Variants in CUL3 observed in about 807,000 individuals in gnomAD.
The protein encoded by CUL3 is cullin 3.
CUL3 carries 19 observed loss-of-function variants against 89.1 expected under a neutral mutation model. The ratio of observed to expected loss-of-function variants is 0.21; its 90% CI spans 0.15 to 0.31. The LOEUF (loss-of-function observed/expected upper bound fraction) is 0.31, where lower values mean the gene tolerates loss of function less well. CUL3 is among the 10% of genes least tolerant of loss of function. CUL3 has a pLI of 1.00. For missense variants in CUL3, 469 were observed against 942.3 expected (o/e 0.50, Z 6.58); for synonymous variants, 351 against 308.4 (o/e 1.14, Z -1.45).
chr2:224,510,007 T>C (rs1053868254), intron 6 of CUL3, among the ~76,000 whole-genome samples: 19 of 152,164 alleles, frequency 1.2e-4, no homozygotes, highest in African/African-American at 4.6e-4. Context: ...TGCTATTTAG[T>C]GACACATAAA....
intron 13 of CUL3, among the ~76,000 whole-genome samples, chr2:224,494,759 C>T (rs919944528): frequency 2.0e-5 from 3 of 152,006 alleles, no homozygotes; most frequent in African/African-American, 4.8e-5. Flanking sequence ...TAAAATTCAT[C>T]GTAGACATAC....
intron 13 of CUL3, among the ~76,000 whole-genome samples, chr2:224,483,929 C>T (rs1482396880): frequency 6.6e-6 from 1 of 152,150 alleles, no homozygotes; most frequent in African/African-American, 2.4e-5. Context: ...GTTGCTCACG[C>T]CTGTAATCCC....
At chr2:224,484,039 A>G (rs979732323) in intron 13 of CUL3, among the ~76,000 whole-genome samples, 2 of 152,076 alleles carry the variant, frequency 1.3e-5, no homozygotes, top group Non-Finnish European at 2.9e-5. Flanking sequence ...AACATTTAAA[A>G]AATAGCCTGT....
chr2:224,502,433 G>A (rs1437904470), intron 10 of CUL3, among the ~76,000 whole-genome samples: 1 of 152,096 alleles, frequency 6.6e-6, no homozygotes, highest in Non-Finnish European at 1.5e-5. Context: ...ACCACCTTTG[G>A]GGAGTTATAC....
intron 12 of CUL3, among the ~76,000 whole-genome samples, chr2:224,496,267 G>A (rs1162443199): frequency 6.6e-6 from 1 of 152,162 alleles, no homozygotes; most frequent in African/African-American, 2.4e-5. Flanking sequence ...ATGGGCTCCA[G>A]TGATTTGCCC....
At chr2:224,528,411 G>T (rs936314520) in intron 3 of CUL3, among the ~76,000 whole-genome samples, 2 of 152,074 alleles carry the variant, frequency 1.3e-5, no homozygotes, top group Non-Finnish European at 2.9e-5. Flanking sequence ...CAGGCCCAGG[G>T]GAACAGCCCA....
rs191815667 is a variant in CUL3, at chr2:224,534,656, T to G, written c.378+872A>C. Among the ~76,000 whole-genome samples the G allele has an allele frequency of 2.5e-3, 388 of 152,222 alleles. 1 individual carries two copies. The highest frequency in any genetic ancestry group is 8.9e-3 in the African/African-American group (371 of 41,520). ...AAATCATTCCCTTTCAGTTTCTCAT[T>G]CTAAGCATTCACTAAGTATGTGAAC... On this transcript the variant is annotated intron_variant, in intron 3 of 15. Coordinates refer to ENST00000264414, the MANE Select transcript of CUL3 (RefSeq NM_003590.5).
intron 4 of CUL3, 52 bp downstream of exon 4, chr2:224,514,560 C>T: frequency 1.4e-6 from 2 of 1,440,482 alleles, no homozygotes; most frequent in East Asian, 2.3e-5. Context: ...GAATCGTTCT[C>T]AAGATATAAT....
In CUL3 at chr2:224,514,596, AAG is replaced by A. The variant is rs552971782; in HGVS notation, c.539+14_539+15del. 1.3e-6 allele frequency: 2 copies of A among 1,598,160 alleles called. No homozygotes were observed. Among genetic ancestry groups the A allele is most frequent in the Non-Finnish European group, 1.7e-6 (2 of 1,170,664 alleles). ...CACTAAAACCAAAACCACAAGAGTA[AAG>A]AGAGAAATTTTACCTGTCTACGACT... On this transcript the variant is annotated intron_variant, in intron 4 of 15. Coordinates refer to ENST00000264414, the MANE Select transcript of CUL3 (RefSeq NM_003590.5).
chr2:224,540,673 T>G (rs1694070005), intron 2 of CUL3, among the ~76,000 whole-genome samples: 1 of 152,204 alleles, frequency 6.6e-6, no homozygotes, highest in Non-Finnish European at 1.5e-5. Context: ...TTCTGAGTCC[T>G]GCTTTTTTCT....
At chr2:224,474,490 C>A in intron 15 of CUL3, 114 bp from the exon 16 acceptor site, 2 of 826,276 alleles carry the variant, frequency 2.4e-6, no homozygotes, top group East Asian at 2.7e-5. Context: ...ACTGGATTAC[C>A]AAAGATAAAA....
chr2:224,505,137 A>G (rs1268729780), intron 8 of CUL3, among the ~76,000 whole-genome samples: 2 of 136,386 alleles, frequency 1.5e-5, no homozygotes, highest in Non-Finnish European at 3.2e-5. Flanking sequence ...GTAGTTGTTC[A>G]GTTTTTTTTT....
intron 12 of CUL3, among the ~76,000 whole-genome samples, chr2:224,496,463 T>C (rs1384176998): frequency 6.6e-6 from 1 of 152,154 alleles, no homozygotes; most frequent in Non-Finnish European, 1.5e-5. Context: ...ACACAAACAG[T>C]ATTTAGGACT....
At chr2:224,584,588 C>T (rs760665829) in intron 1 of CUL3, among the ~76,000 whole-genome samples, 3 of 151,994 alleles carry the variant, frequency 2.0e-5, no homozygotes, top group Non-Finnish European at 2.9e-5. Flanking sequence ...AGGGAGGACT[C>T]CGCGGCTGCT....
chr2:224,500,674 G>A (rs1692352936), intron 10 of CUL3, among the ~76,000 whole-genome samples, 187 bp from the exon 11 acceptor site: 1 of 146,788 alleles, frequency 6.8e-6, no homozygotes, highest in African/African-American at 2.6e-5. Flanking sequence ...TGCCCAGGCC[G>A]GAATGCAATG....
chr2:224,530,054 C>G (rs1423859854), intron 3 of CUL3, among the ~76,000 whole-genome samples: 1 of 151,996 alleles, frequency 6.6e-6, no homozygotes, highest in Non-Finnish European at 1.5e-5. Flanking sequence ...ATGGCTAACA[C>G]AGTGAAACCC....
chr2:224,506,075 C>A lies in CUL3; in HGVS notation c.1087G>T (p.Asp363Tyr). The A allele has an allele frequency of 6.2e-7, 1 of 1,612,584 alleles. No homozygotes were observed. The highest frequency in any genetic ancestry group is 1.1e-5 in the South Asian group (1 of 90,782). ...GCAATAGTTTGTTTAAAGAGACGGT[C>A]ATTGTTGAATGATTCCAGGAGGAAG... ...DRFLLESFNN[D>Y]RLFKQTIAGD... Residue 363 changes from aspartate (D) to tyrosine (Y), a missense_variant, in exon 8 of 16, where the codon GAC (aspartate) becomes TAC (tyrosine). Physicochemically the swap from Asp to Tyr is radical, Grantham distance 160. Around this residue, in one of 4 missense-constraint regions of CUL3, gnomAD observed 370 missense variants for 733.2 expected, o/e 0.50. Transcript: ENST00000264414.
chr2:224,476,290 T>C (rs1181289778), intron 15 of CUL3, among the ~76,000 whole-genome samples: 1 of 152,106 alleles, frequency 6.6e-6, no homozygotes, highest in Non-Finnish European at 1.5e-5. Flanking sequence ...GTGCTGGGAT[T>C]ACAGGCGTGA....
chr2:224,495,833 T>C lies in CUL3; in HGVS notation c.1841A>G (p.Glu614Gly). 1 of 1,608,444 alleles carries C rather than the reference T, an allele frequency of 6.2e-7. No individual in the cohort carries two copies. Reference protein sequence around the residue: ...LFNNREKYTFEEIQQETDIPE... With the variant: ...LFNNREKYTFGEIQQETDIPE... The stretch of plus-strand genomic sequence containing the variant: ...AATGTATATAACCACAATCCATACC[T>C]CAAATGTGTATTTTTCTCTATTATT... Residue 614 changes from glutamate to glycine, a missense_variant and splice_region_variant, in exon 13 of 16, where the codon GAG becomes GGG. Glu to Gly is a moderately conservative substitution (Grantham distance 98). This residue lies in a region of CUL3 where 370 missense variants were observed against 733.2 expected (regional missense o/e 0.50). Coordinates refer to ENST00000264414, the MANE Select transcript of CUL3 (RefSeq NM_003590.5).
Sources: gnomAD v4.1 joint callset for allele counts (sites outside exome capture counted in the v4.1 genomes callset) on GRCh38, gnomAD v4.1.1 for gene constraint, gnomAD v4.1.1 regional missense constraint, MANE v1.5 for transcripts, NCBI Gene and HGNC (gene_info 2026-07-23, HGNC 2026-07-21) for gene names.